The following MCC variants were observed in gnomAD, a reference collection of about 807,000 sequenced individuals.
MCC encodes colorectal mutant cancer protein.
In MCC, 90 loss-of-function variants were observed where a neutral mutation model predicts 116.2. The observed-to-expected ratio is 0.77, with a 90% CI of 0.65 to 0.92. MCC has a LOEUF of 0.92. Among genes scored for constraint, MCC ranks in the 40% least tolerant of loss-of-function variants. The probability of loss-of-function intolerance (pLI) is 0.00; values close to 1 mark genes in which losing one functional copy is unlikely to be tolerated. For missense variants in MCC, 1,516 were observed against 1,312.2 expected (o/e 1.16, Z -2.40); for synonymous variants, 578 against 510.5 (o/e 1.13, Z -1.78).
intron 3 of MCC, among the ~76,000 whole-genome samples, chr5:113,333,057 C>T (rs942340290): frequency 6.6e-6 from 1 of 151,576 alleles, no homozygotes; most frequent in African/African-American, 2.4e-5. Flanking sequence ...CAAAAAAACT[C>T]CTCGGTATTT....
intron 14 of MCC, among the ~76,000 whole-genome samples, chr5:113,060,146 T>TTTTG (rs201966856): frequency 5.9e-5 from 9 of 151,874 alleles, no homozygotes; most frequent in African/African-American, 1.4e-4. Flanking sequence ...GAGCAGCTCT[T>TTTTG]TTTGTTTGTT....
chr5:113,044,163 C>T (rs1580909777), intron 16 of MCC, among the ~76,000 whole-genome samples: 1 of 152,182 alleles, frequency 6.6e-6, no homozygotes, highest in East Asian at 1.9e-4. Flanking sequence ...CCCCATCCCA[C>T]GTCTCCTTGG....
chr5:113,145,245 A>G (rs1181182130), intron 4 of MCC, among the ~76,000 whole-genome samples: 1 of 152,138 alleles, frequency 6.6e-6, no homozygotes, highest in African/African-American at 2.4e-5. Flanking sequence ...GTACAGATGT[A>G]GTGGACACTC....
chr5:113,256,008 G>A (rs1426189310), intron 3 of MCC, among the ~76,000 whole-genome samples: 1 of 152,186 alleles, frequency 6.6e-6, no homozygotes, highest in Admixed American at 6.5e-5. Flanking sequence ...CTTATTCACT[G>A]AACAATGGCA....
At chr5:113,261,328 C>T (rs779673945) in intron 3 of MCC, among the ~76,000 whole-genome samples, 18 of 152,234 alleles carry the variant, frequency 1.2e-4, no homozygotes, top group Non-Finnish European at 1.8e-4. Context: ...ACTCAAAATA[C>T]GATTTCTACT....
chr5:113,075,825 C>T (rs192489443), intron 11 of MCC, among the ~76,000 whole-genome samples: 9 of 152,278 alleles, frequency 5.9e-5, no homozygotes, highest in Admixed American at 1.3e-4. Flanking sequence ...TTTGGGTCCG[C>T]GCCACCTTTA....
intron 1 of MCC, among the ~76,000 whole-genome samples, chr5:113,438,563 T>C (rs1055152612): frequency 1.3e-5 from 2 of 152,218 alleles, no homozygotes; most frequent in African/African-American, 4.8e-5. Context: ...TCCTGGTATA[T>C]CACCTCTTAT....
chr5:113,323,294 T>G (rs1767471422), intron 3 of MCC: 2 of 152,280 alleles, frequency 1.3e-5, no homozygotes, highest in African/African-American at 4.8e-5. Flanking sequence ...AAATGTTTAT[T>G]GTTTAAAGCC....
In MCC at chr5:113,085,087, C is replaced by G. The variant is rs549080677; in HGVS notation, c.1545+77G>C. On this transcript the variant is annotated intron_variant, in intron 9 of 18. Transcript: ENST00000408903. Reference sequence around the variant, plus strand: ...TGTCTCAGCTAAGGGCATGCCTGTACAGTGGCTAGGATGAGCCTGGTGCTT... The same window carrying G: ...TGTCTCAGCTAAGGGCATGCCTGTAGAGTGGCTAGGATGAGCCTGGTGCTT... 2.5e-6 allele frequency: 4 copies of G among 1,599,362 alleles called. No individual in the cohort carries two copies. The East Asian group carries it at 6.7e-5, about 27-fold the overall frequency.
chr5:113,453,426 C>T (rs1771455762), intron 1 of MCC, among the ~76,000 whole-genome samples: 2 of 152,148 alleles, frequency 1.3e-5, no homozygotes, highest in South Asian at 2.1e-4. Flanking sequence ...CTTGAAGTGA[C>T]CAGAGCCCTC....
intron 1 of MCC, among the ~76,000 whole-genome samples, chr5:113,471,168 C>A (rs1772079204): frequency 6.6e-6 from 1 of 152,098 alleles, no homozygotes; most frequent in African/African-American, 2.4e-5. Flanking sequence ...GAAGCCTTCT[C>A]TCAACTCGTC....
At chr5:113,124,237 CAA>C (rs922742878) in intron 5 of MCC, among the ~76,000 whole-genome samples, 1 of 152,104 alleles carries the variant, frequency 6.6e-6, no homozygotes, top group Non-Finnish European at 1.5e-5. Flanking sequence ...TAGACATCTG[CAA>C]AAGTCAACAA....
intron 3 of MCC, among the ~76,000 whole-genome samples, chr5:113,202,545 C>T (rs1270871369): frequency 2.6e-5 from 4 of 152,156 alleles, no homozygotes; most frequent in African/African-American, 7.2e-5. Flanking sequence ...TATTAGCAGT[C>T]ATTCAGATAC....
chr5:113,049,381 G>A (rs1444990585), intron 15 of MCC, 82 bp from the exon 16 acceptor site: 14 of 1,252,414 alleles, frequency 1.1e-5, no homozygotes, highest in Non-Finnish European at 1.5e-5. Flanking sequence ...GTGGGTGGGG[G>A]GTCCCCGGCT....
chr5:113,318,069 C>T (rs776754184), intron 3 of MCC, among the ~76,000 whole-genome samples: 7 of 152,098 alleles, frequency 4.6e-5, no homozygotes, highest in Non-Finnish European at 1.0e-4. Flanking sequence ...TGATATTGCA[C>T]TGTAGGGAGA....
chr5:113,404,728 T>C (rs987927456), intron 1 of MCC, among the ~76,000 whole-genome samples: 2 of 152,068 alleles, frequency 1.3e-5, no homozygotes, highest in Non-Finnish European at 2.9e-5. Flanking sequence ...TTATGCTCCA[T>C]CTATACAATG....
chr5:113,097,688 G>A (rs952332695), intron 8 of MCC, among the ~76,000 whole-genome samples: 2 of 152,188 alleles, frequency 1.3e-5, no homozygotes, highest in Non-Finnish European at 2.9e-5. Context: ...AAACATAGAT[G>A]TCTCTTTATT....
chr5:113,106,184 G>A (rs1351490234), intron 6 of MCC, among the ~76,000 whole-genome samples: 3 of 58,258 alleles, frequency 5.1e-5, no homozygotes, highest in Admixed American at 2.2e-4. Context: ...CATTCACTAT[G>A]CCCCATTCAC....
intron 1 of MCC, among the ~76,000 whole-genome samples, chr5:113,474,159 A>G (rs1041165654): frequency 1.4e-4 from 22 of 152,220 alleles, no homozygotes; most frequent in African/African-American, 5.1e-4. Context: ...GTTTCTATTA[A>G]GAGTTGGGCA....
Sources: allele counts gnomAD v4.1 joint callset (sites outside exome capture counted in the v4.1 genomes callset), GRCh38; gene constraint gnomAD v4.1.1; transcripts MANE v1.5; gene names NCBI Gene and HGNC (gene_info 2026-07-23, HGNC 2026-07-21).